CCDC66: variants seen among roughly 807,000 people sequenced by gnomAD.
The protein encoded by CCDC66 is coiled-coil domain-containing protein 66.
A neutral mutation model predicts 128.3 loss-of-function variants in CCDC66; 133 were observed. The ratio of observed to expected loss-of-function variants is 1.04; its 90% CI spans 0.90 to 1.20. CCDC66 has a LOEUF of 1.20. CCDC66 is among the 50% of genes most tolerant of loss of function. CCDC66 has a pLI of 0.00. For missense variants in CCDC66, 1,126 were observed against 1,075.5 expected, an observed-to-expected ratio of 1.05 and a Z score of -0.66; for synonymous variants, 387 against 357.0, an observed-to-expected ratio of 1.08 and a Z score of -0.95.
intron 10 of CCDC66, among the ~76,000 whole-genome samples, chr3:56,599,713 A>T (rs2072800050): frequency 6.6e-6 from 1 of 151,936 alleles, no homozygotes; most frequent in Non-Finnish European, 1.5e-5. Flanking sequence ...ATTATTGATT[A>T]CTGGTTTTGT....
chr3:56,619,215 T>TAAAGAGATATACTTAATCTAAATA, intron 15 of CCDC66, 56 bp from the exon 16 acceptor site: 1 of 1,335,686 alleles, frequency 7.5e-7, no homozygotes, highest in Non-Finnish European at 1.0e-6. Context: ...GAAATGTGAT[T>TAAAGAGATATACTTAATCTAAATA]AAAGAGATAT....
At chr3:56,608,369 C>T (rs540978361) in intron 10 of CCDC66, among the ~76,000 whole-genome samples, 2 of 152,164 alleles carry the variant, frequency 1.3e-5, no homozygotes, top group African/African-American at 2.4e-5. Flanking sequence ...TGTATTTTTC[C>T]GGGTCTTTAT....
chr3:56,584,504 G>GC lies in CCDC66; in HGVS notation c.937-8465dup, dbSNP rs561208694. ...CTCACATCCCAGACGGGGCGGCAGG[G>GC]CAGAGGCGCTCCCCACATCTCAGAT... On this transcript the variant is annotated intron_variant, in intron 7 of 17. Transcript: ENST00000394672. Among the ~76,000 whole-genome samples the GC allele has an allele frequency of 2.7e-3, 404 of 148,878 alleles. 6 individuals are homozygous for GC. Among genetic ancestry groups the GC allele is most frequent in the African/African-American group, 9.9e-3 (390 of 39,522 alleles).
At chr3:56,557,609 A>G (rs1270103381) in intron 1 of CCDC66, 2 of 292,348 alleles carry the variant, frequency 6.8e-6, no homozygotes, top group South Asian at 8.5e-5. Flanking sequence ...CTCCTGGCCC[A>G]TGCCCCGGGT....
intron 6 of CCDC66, among the ~76,000 whole-genome samples, chr3:56,568,043 C>T (rs1226830708): frequency 6.6e-6 from 1 of 152,140 alleles, no homozygotes; most frequent in Admixed American, 6.5e-5. Context: ...CTTCAGAGAA[C>T]AGATGACAAA....
intron 6 of CCDC66, among the ~76,000 whole-genome samples, chr3:56,568,751 G>A (rs1007873613): frequency 6.6e-6 from 1 of 152,196 alleles, no homozygotes; most frequent in African/African-American, 2.4e-5. Flanking sequence ...GTATCAGACA[G>A]TATGTATTCT....
Position 56,619,797 on chromosome 3 carries a change from C to T in CCDC66, c.2656C>T (p.Leu886=), listed in dbSNP as rs377002691. ...TTTAGACTGTGGCCAAAAACGACAG[C>T]TATTTGATTCTGACTGTGTCAGGGA... is the stretch of plus-strand genomic sequence containing the variant. ...NSQDCGQKRQ[L]FDSDCVRDPL... is the part of the protein sequence containing the mutation. The change falls in exon 17 of 18, where the codon CTA becomes TTA. Residue 886 remains leucine, a synonymous_variant. Coordinates refer to ENST00000394672, the MANE Select transcript of CCDC66 (RefSeq NM_001141947.3). The T allele has an allele frequency of 1.2e-6, 2 of 1,613,902 alleles. No individual in the cohort carries two copies. Among genetic ancestry groups the T allele is most frequent in the South Asian group, 2.2e-5 (2 of 91,046 alleles).
At chr3:56,568,612 T>A (rs1329297517) in intron 6 of CCDC66, among the ~76,000 whole-genome samples, 1 of 152,190 alleles carries the variant, frequency 6.6e-6, no homozygotes, top group Non-Finnish European at 1.5e-5. Flanking sequence ...CTTTTCCCAT[T>A]TCCTGGAAAT....
chr3:56,603,081 C>T (rs1208961383), intron 10 of CCDC66, among the ~76,000 whole-genome samples: 2 of 151,934 alleles, frequency 1.3e-5, no homozygotes, highest in Non-Finnish European at 2.9e-5. Flanking sequence ...GTGATCCACC[C>T]ACCTCGGCCT....
chr3:56,563,648 A>T, intron 3 of CCDC66, 36 bp from the exon 4 acceptor site: 4 of 1,449,446 alleles, frequency 2.8e-6, no homozygotes, highest in Non-Finnish European at 3.7e-6. Flanking sequence ...TTTTTCTTGG[A>T]CAGTTATAAA....
chr3:56,605,255 C>T (rs779067720), intron 10 of CCDC66, among the ~76,000 whole-genome samples: 5 of 152,098 alleles, frequency 3.3e-5, no homozygotes, highest in Non-Finnish European at 5.9e-5. Context: ...TACCTACCTT[C>T]TGAAGCCTTC....
intron 4 of CCDC66, 28 bp from the exon 5 acceptor site, chr3:56,566,566 A>G (rs763480910): frequency 7.0e-7 from 1 of 1,424,186 alleles, no homozygotes. Flanking sequence ...TTTAGTGTTA[A>G]TTTTAAAACA....
chr3:56,596,261 G>GAT (rs1303867221), intron 10 of CCDC66, among the ~76,000 whole-genome samples: 2 of 152,096 alleles, frequency 1.3e-5, no homozygotes, highest in Non-Finnish European at 2.9e-5. Context: ...GAGGCGATAT[G>GAT]ATATCTCATT....
At chr3:56,619,929 T>C (rs750440405) in intron 17 of CCDC66, 28 bp downstream of exon 17, 1 of 1,606,330 alleles carries the variant, frequency 6.2e-7, no homozygotes, top group South Asian at 1.1e-5. Flanking sequence ...TGTAGATATG[T>C]CTGTTCTTTA....
chr3:56,604,983 T>C (rs1407079412), intron 10 of CCDC66, among the ~76,000 whole-genome samples: 1 of 152,076 alleles, frequency 6.6e-6, no homozygotes, highest in African/African-American at 2.4e-5. Context: ...CATTCTTTTT[T>C]TTCTAATCTT....
intron 10 of CCDC66, among the ~76,000 whole-genome samples, chr3:56,598,112 G>T (rs2072440456): frequency 6.7e-6 from 1 of 149,100 alleles, no homozygotes; most frequent in Admixed American, 6.7e-5. Flanking sequence ...GATAACATCA[G>T]CAAAGGGGAC....
chr3:56,566,171 G>T (rs1472781164), intron 4 of CCDC66, among the ~76,000 whole-genome samples: 1 of 132,274 alleles, frequency 7.6e-6, no homozygotes, highest in Non-Finnish European at 1.8e-5. Context: ...AGACTGGAGT[G>T]CAGAGTGCAG....
At chr3:56,558,220 G>A (rs1233865999) in intron 1 of CCDC66, among the ~76,000 whole-genome samples, 1 of 152,130 alleles carries the variant, frequency 6.6e-6, no homozygotes, top group East Asian at 1.9e-4. Flanking sequence ...TGGACTGTAT[G>A]TATGGGCTGC....
At chr3:56,617,945 CTT>C (rs2075729484) in intron 14 of CCDC66, 6 of 586,668 alleles carry the variant, frequency 1.0e-5, no homozygotes, top group Non-Finnish European at 1.8e-5. Context: ...TCAAATACCC[CTT>C]TAAAACCCTT....
Sources: gnomAD v4.1 joint callset for allele counts (sites outside exome capture counted in the v4.1 genomes callset) on GRCh38, gnomAD v4.1.1 for gene constraint, MANE v1.5 for transcripts, NCBI Gene and HGNC (gene_info 2026-07-23, HGNC 2026-07-21) for gene names.